RPL4: variants seen among roughly 807,000 people sequenced by gnomAD.
RPL4 encodes the protein large ribosomal subunit protein uL4.
RPL4 carries 3 observed loss-of-function variants against 47.7 expected under a neutral mutation model. That is an observed-to-expected ratio of 0.06 (90% confidence interval 0.03 to 0.16). The LOEUF is 0.16. Among genes scored for constraint, RPL4 ranks in the 10% least tolerant of loss-of-function variants. RPL4 has a pLI of 1.00. For missense variants in RPL4, 413 were observed against 551.3 expected, an observed-to-expected ratio of 0.75 and a Z score of 2.51; for synonymous variants, 208 against 182.1, an observed-to-expected ratio of 1.14 and a Z score of -1.15.
At position 66,504,829 on chromosome 15, in the gene RPL4, C is replaced by A. The variant is rs1276559307; in HGVS notation, c.-39G>T. ...GACAGCCACGCTCCTCTCAGCCCGG[C>A]TGCTGCCACAGGAAAAGGAAGTGCT... On this transcript the variant is annotated 5_prime_UTR_variant, in exon 1 of 10. Transcript: ENST00000307961. 1 of 1,608,702 alleles carries A rather than the reference C, an allele frequency of 6.2e-7. No individual in the cohort carries two copies. The highest frequency in any genetic ancestry group is 1.1e-5 in the South Asian group (1 of 90,296).
chr15:66,499,719 GAAAAAC>G (rs1235673901), intron 9 of RPL4, 67 bp from the exon 10 acceptor site: 7 of 1,592,948 alleles, frequency 4.4e-6, no homozygotes, highest in South Asian at 1.1e-5. Flanking sequence ...ATCAGGAAGA[GAAAAAC>G]AAAAACAAAA....
In RPL4 at chr15:66,504,832, CT is replaced by C. The variant is rs766354030; in HGVS notation, c.-43del. ...AGCCACGCTCCTCTCAGCCCGGCTG[CT>C]GCCACAGGAAAAGGAAGTGCTTACC... On this transcript the variant is annotated 5_prime_UTR_variant, in exon 1 of 10. Transcript: ENST00000307961. 1.9e-5 allele frequency: 31 copies of C among 1,608,630 alleles called. No individual in the cohort carries two copies. The African/African-American group carries it at 3.9e-4, about 20-fold the overall frequency.
At position 66,500,931 on chromosome 15, in the gene RPL4, T is replaced by C. The variant is rs111563130; in HGVS notation, c.833+18A>G. On this transcript the variant is annotated intron_variant, in intron 7 of 9. Transcript: ENST00000307961. ...CCACAATATAAACATCTGTGCTTAG[T>C]ATATGAAAGATACTTACTTGTAGTT... The C allele has an allele frequency of 5.6e-5, 91 of 1,612,114 alleles. 4 individuals carry two copies. In the African/African-American group the frequency reaches 6.3e-4, roughly 11 times the overall value.
At chr15:66,500,755 G>A (rs769510327) in intron 7 of RPL4, 194 bp downstream of exon 7, 93 of 648,288 alleles carry the variant, frequency 1.4e-4, no homozygotes, top group African/African-American at 5.7e-4. Flanking sequence ...ACACTCCAGC[G>A]TGGGTGAGAC....
intron 7 of RPL4, 27 bp from the exon 8 acceptor site, chr15:66,500,403 A>G (rs941234357): frequency 1.4e-5 from 22 of 1,594,148 alleles, no homozygotes; most frequent in Non-Finnish European, 1.6e-5. Context: ...TGACATGTAC[A>G]TGTAAAAGTA....
At chr15:66,499,743 G>T in intron 9 of RPL4, 91 bp from the exon 10 acceptor site, 2 of 1,556,152 alleles carry the variant, frequency 1.3e-6, no homozygotes, top group Non-Finnish European at 1.7e-6. Flanking sequence ...AAACAAACCA[G>T]CCGGGCACGG....
chr15:66,499,461 T>C lies in RPL4; in HGVS notation c.1230A>G (p.Glu410=), dbSNP rs1017945596. Residue 410 remains glutamate (E), a synonymous_variant, in exon 10 of 10, where the codon GAA becomes GAG. Coordinates refer to ENST00000307961, the MANE Select transcript of RPL4 (RefSeq NM_000968.4). ...TAGGTTTCTTCTCTGCAGGCTTCTTTTCAGGGGCTGGTTTCTTGGTAGCTG... is the reference window on the plus strand; with the variant it reads ...TAGGTTTCTTCTCTGCAGGCTTCTTCTCAGGGGCTGGTTTCTTGGTAGCTG... ...KAAATKKPAP[E]KKPAEKKPTT... 6.2e-7 allele frequency: 1 copy of C among 1,611,968 alleles called. No individual in the cohort carries two copies. The highest frequency in any genetic ancestry group is 1.3e-5 in the African/African-American group (1 of 74,948).
chr15:66,504,301 T>A (rs946237627), intron 1 of RPL4, among the ~76,000 whole-genome samples: 2 of 152,218 alleles, frequency 1.3e-5, no homozygotes, highest in Non-Finnish European at 2.9e-5. Context: ...TTTGTTCGCT[T>A]AACTCCCCCG....
In RPL4 at chr15:66,503,516, G is replaced by A. The variant is rs1246918581; in HGVS notation, c.17C>T (p.Pro6Leu). 5 of 1,599,146 alleles carry A rather than the reference G, an allele frequency of 3.1e-6. No homozygotes were observed. The South Asian group carries it at 4.4e-5, about 14-fold the overall frequency. The change falls in exon 2 of 10, where the codon CCA becomes CTA. Residue 6 changes from proline to leucine, a missense_variant. Pro to Leu is a moderately conservative substitution (Grantham distance 98). Coordinates refer to ENST00000307961, the MANE Select transcript of RPL4 (RefSeq NM_000968.4). ...CTTTTCGGAGTACACCGATATCAGT[G>A]GGCGAGCACACGCCTAAAGAAAAAG... MACAR[P>L]LISVYSEKGE...
chr15:66,500,777 G>T, intron 7 of RPL4, 172 bp downstream of exon 7: 1 of 733,852 alleles, frequency 1.4e-6, no homozygotes, highest in Non-Finnish European at 2.2e-6. Flanking sequence ...GAACAACTCT[G>T]TCTCAAAAAC....
chr15:66,500,880 T>C (rs1893596640), intron 7 of RPL4, 69 bp downstream of exon 7: 2 of 1,541,228 alleles, frequency 1.3e-6, no homozygotes, highest in South Asian at 1.2e-5. Flanking sequence ...TTAGAAAACA[T>C]GTAAGCCAAT....
rs1215435410 is a variant in RPL4 at position 66,501,114 on chromosome 15, G to C, written c.677-9C>G. 1 of 1,607,984 alleles carries C rather than the reference G, an allele frequency of 6.2e-7. No homozygotes were observed. The highest frequency in any genetic ancestry group is 1.7e-5 in the Admixed American group (1 of 58,362). On this transcript the variant is annotated splice_polypyrimidine_tract_variant and intron_variant, in intron 6 of 9. Coordinates refer to ENST00000307961, the MANE Select transcript of RPL4 (RefSeq NM_000968.4). Reference sequence around the variant, plus strand: ...ATTAAGCAGAGTAATTCCTTTTAAAGGGAAAGAAAAATTAGGGAGCCTGTA... The same window carrying C: ...ATTAAGCAGAGTAATTCCTTTTAAACGGAAAGAAAAATTAGGGAGCCTGTA...
At position 66,504,829 on chromosome 15, in the gene RPL4, C is replaced by G; in HGVS notation, c.-39G>C. On this transcript the variant is annotated 5_prime_UTR_variant, in exon 1 of 10. Transcript: ENST00000307961. Reference sequence around the variant, plus strand: ...GACAGCCACGCTCCTCTCAGCCCGGCTGCTGCCACAGGAAAAGGAAGTGCT... The same window carrying G: ...GACAGCCACGCTCCTCTCAGCCCGGGTGCTGCCACAGGAAAAGGAAGTGCT... The G allele has an allele frequency of 1.9e-6, 3 of 1,608,702 alleles. No homozygotes were observed. The highest frequency in any genetic ancestry group is 1.1e-5 in the South Asian group (1 of 90,296).
At position 66,504,841 on chromosome 15, in the gene RPL4, G is replaced by T. The variant is rs140859138; in HGVS notation, c.-51C>A. ...CCTCTCAGCCCGGCTGCTGCCACAG[G>T]AAAAGGAAGTGCTTACCACTCCCGC... is the stretch of plus-strand genomic sequence containing the variant. On this transcript the variant is annotated 5_prime_UTR_variant, in exon 1 of 10. Transcript: ENST00000307961. 1.4e-4 allele frequency: 228 copies of T among 1,606,314 alleles called. 3 individuals are homozygous for T. The East Asian group carries it at 3.3e-3, about 23-fold the overall frequency.
At chr15:66,502,129 G>C in intron 4 of RPL4, 1 of 701,650 alleles carries the variant, frequency 1.4e-6, no homozygotes, top group Non-Finnish European at 2.6e-6. Flanking sequence ...CAACAGGCAA[G>C]TTTAAGTTGG....
Position 66,503,062 on chromosome 15 carries a change from C to T in RPL4, c.278G>A (p.Gly93Glu). 2 of 1,612,284 alleles carry T rather than the reference C, an allele frequency of 1.2e-6. No individual in the cohort carries two copies. The highest frequency in any genetic ancestry group is 1.7e-6 in the Non-Finnish European group (2 of 1,179,064). Residue 93 changes from glycine to glutamate, a missense_variant, in exon 3 of 10, where the codon GGA becomes GAA. Transcript: ENST00000307961. ...GTHRSGQGAF[G>E]NMCRGGRMFA... ...AGGTAGTGAAACAAAGGATACGTTT[C>T]CAAAAGCACCCTGGCCAGAGCGGTG...
rs763033268 is a variant in RPL4 at position 66,499,666 on chromosome 15, G to C, written c.1039-14C>G. The C allele has an allele frequency of 3.1e-6, 5 of 1,612,948 alleles. No individual in the cohort carries two copies. The Admixed American group carries it at 5.0e-5, about 16-fold the overall frequency. On this transcript the variant is annotated splice_polypyrimidine_tract_variant and intron_variant, in intron 9 of 9. Coordinates refer to ENST00000307961, the MANE Select transcript of RPL4 (RefSeq NM_000968.4). ...CCGGAGCTTGTGCTGCAACAAATTA[G>C]GCAGAAAACAGTAAGAATCAAATCC...
chr15:66,501,557 A>C, intron 5 of RPL4, 53 bp from the exon 6 acceptor site: 14 of 1,603,674 alleles, frequency 8.7e-6, no homozygotes, highest in Non-Finnish European at 1.2e-5. Context: ...TCTGCAATAG[A>C]TCTTCAGAGT....
intron 4 of RPL4, 48 bp from the exon 5 acceptor site, chr15:66,501,960 GAAAAA>G: frequency 8.3e-7 from 1 of 1,201,230 alleles, no homozygotes; most frequent in Non-Finnish European, 1.1e-6. Context: ...AACTTTTGGA[GAAAAA>G]AAAAAAATCA....
Sources: gnomAD v4.1 joint callset for allele counts (sites outside exome capture counted in the v4.1 genomes callset) on GRCh38, gnomAD v4.1.1 for gene constraint, MANE v1.5 for transcripts, NCBI Gene and HGNC (gene_info 2026-07-23, HGNC 2026-07-21) for gene names.